KLHL8: variants seen among roughly 807,000 people sequenced by gnomAD.
The protein encoded by KLHL8 is kelch-like protein 8.
In KLHL8, 38 loss-of-function variants were observed where a neutral mutation model predicts 63.5. The observed-to-expected ratio is 0.60, with a 90% CI of 0.46 to 0.78. KLHL8 has a LOEUF of 0.78. KLHL8 is among the 30% of genes least tolerant of loss of function. KLHL8 has a pLI of 0.00. For synonymous variants in KLHL8, 224 were observed against 254.3 expected (o/e 0.88, Z 1.13); for missense variants, 566 against 752.4 (o/e 0.75, Z 2.90).
At chr4:87,181,270 T>C (rs1487083551) in intron 4 of KLHL8, among the ~76,000 whole-genome samples, 4 of 102,512 alleles carry the variant, frequency 3.9e-5, no homozygotes, top group African/African-American at 1.2e-4. Context: ...CTAGTAAAAA[T>C]ACAAAAAAAA....
At position 87,188,071 on chromosome 4, in the gene KLHL8, C is replaced by G. The variant is rs145506889; in HGVS notation, c.217-2272G>C. On this transcript the variant is annotated intron_variant, in intron 2 of 9. Transcript: ENST00000273963. ...AAGACAATCATTTCTGTCTGTTATGCTATATTAAATTTTTTCACAGAACTC... is the reference window on the plus strand; with the variant it reads ...AAGACAATCATTTCTGTCTGTTATGGTATATTAAATTTTTTCACAGAACTC... Among the ~76,000 whole-genome samples the G allele has an allele frequency of 5.3e-5, 8 of 152,226 alleles. No individual in the cohort carries two copies. In the East Asian group the frequency reaches 1.5e-3, roughly 29 times the overall value.
intron 4 of KLHL8, among the ~76,000 whole-genome samples, chr4:87,179,543 G>C (rs1204292179): frequency 6.6e-6 from 1 of 152,180 alleles, no homozygotes; most frequent in Non-Finnish European, 1.5e-5. Context: ...GGGAGGCTGA[G>C]GCAGGAGAAT....
intron 1 of KLHL8, among the ~76,000 whole-genome samples, chr4:87,196,989 T>C (rs2110016447): frequency 6.6e-6 from 1 of 152,246 alleles, no homozygotes; most frequent in East Asian, 1.9e-4. Context: ...TTCAGAAAAC[T>C]CTAAATATTC....
intron 1 of KLHL8, among the ~76,000 whole-genome samples, chr4:87,204,195 C>G (rs1732030143): frequency 6.6e-6 from 1 of 152,154 alleles, no homozygotes. Context: ...CCACTACACT[C>G]CAGCCTAAGC....
In KLHL8 at chr4:87,195,567, C is replaced by T. The variant is rs758060490; in HGVS notation, c.-28G>A. Reference sequence around the variant, plus strand: ...GCAATATTCCTCTTTTAATAGAGCTCTCTTCTCAAACATGCCATTTATTTT... The same window carrying T: ...GCAATATTCCTCTTTTAATAGAGCTTTCTTCTCAAACATGCCATTTATTTT... On this transcript the variant is annotated 5_prime_UTR_variant, in exon 2 of 10. Coordinates refer to ENST00000273963, the MANE Select transcript of KLHL8 (RefSeq NM_020803.5). 1 of 1,570,570 alleles carries T rather than the reference C, an allele frequency of 6.4e-7. No homozygotes were observed. Among genetic ancestry groups the T allele is most frequent in the African/African-American group, 1.4e-5 (1 of 73,742 alleles).
At chr4:87,190,644 TAAA>T (rs34153862) in intron 2 of KLHL8, among the ~76,000 whole-genome samples, 25 of 142,922 alleles carry the variant, frequency 1.7e-4, no homozygotes, top group Non-Finnish European at 1.5e-4. Flanking sequence ...ACTCTGTCTT[TAAA>T]AAAAAAAAAA....
chr4:87,216,774 T>G (rs7664479), intron 1 of KLHL8, among the ~76,000 whole-genome samples: 1 of 152,210 alleles, frequency 6.6e-6, no homozygotes, highest in East Asian at 1.9e-4. Context: ...AGTATCTATA[T>G]AGCAATATCC....
intron 4 of KLHL8, among the ~76,000 whole-genome samples, chr4:87,179,621 T>A (rs1018160410): frequency 5.3e-5 from 8 of 151,280 alleles, no homozygotes; most frequent in East Asian, 3.9e-4. Flanking sequence ...ACAAAAAAAA[T>A]TTAAAATTAG....
chr4:87,222,376 G>A (rs117112969), upstream of KLHL8, among the ~76,000 whole-genome samples: 43 of 151,976 alleles, frequency 2.8e-4, no homozygotes, highest in East Asian at 6.2e-3. Context: ...GTATATAAAC[G>A]TCTCTACCCC....
chr4:87,207,192 G>A (rs10025704), intron 1 of KLHL8: 126,200 of 567,188 alleles, frequency 0.22, 16,200 homozygotes, highest in East Asian at 0.49. Flanking sequence ...ATCAATGACC[G>A]CTTCATTGAC....
At chr4:87,226,834 A>T (rs868231682) in intron 1 of KLHL8, among the ~76,000 whole-genome samples, 223 of 7,796 alleles carry the variant, frequency 0.029, 41 homozygotes, top group Non-Finnish European at 0.038. Context: ...ATTATTTATA[A>T]ATAATATATA....
chr4:87,174,562 A>G (rs1415214709), intron 6 of KLHL8, among the ~76,000 whole-genome samples: 2 of 152,158 alleles, frequency 1.3e-5, no homozygotes, highest in East Asian at 3.8e-4. Context: ...TACAGGCATG[A>G]GCCACCATGC....
At chr4:87,220,793 G>C (rs1228476241), upstream of KLHL8, 1 of 152,232 alleles carries the variant, frequency 6.6e-6, no homozygotes, top group Non-Finnish European at 1.5e-5. Context: ...AGGGCGTGGC[G>C]GAGGTCCCCA....
At chr4:87,180,875 C>A (rs559267897) in intron 4 of KLHL8, among the ~76,000 whole-genome samples, 2 of 151,604 alleles carry the variant, frequency 1.3e-5, no homozygotes, top group South Asian at 4.2e-4. Flanking sequence ...AGACCCAATC[C>A]CTACAAAAAA....
At chr4:87,234,413 G>A (rs1733191597) in intron 1 of KLHL8, among the ~76,000 whole-genome samples, 1 of 150,778 alleles carries the variant, frequency 6.6e-6, no homozygotes, top group Non-Finnish European at 1.5e-5. Context: ...CACTCAGCCT[G>A]GCAACAGAGT....
chr4:87,228,716 C>G (rs1733076313), intron 1 of KLHL8, among the ~76,000 whole-genome samples: 2 of 152,182 alleles, frequency 1.3e-5, no homozygotes, highest in Non-Finnish European at 2.9e-5. Flanking sequence ...TGAAAACCAC[C>G]AACTGAGAGA....
In KLHL8 at chr4:87,195,284, C is replaced by T. The variant is rs372306686; in HGVS notation, c.216+40G>A. On this transcript the variant is annotated intron_variant, in intron 2 of 9. Coordinates refer to ENST00000273963, the MANE Select transcript of KLHL8 (RefSeq NM_020803.5). ...AGAAACCCCCATTTCTCATATTACA[C>T]TGAAGAGGCCTGAGAAAAGTACAAA... 9 of 1,532,162 alleles carry T rather than the reference C, an allele frequency of 5.9e-6. No individual in the cohort carries two copies. In the African/African-American group the frequency reaches 1.1e-4, roughly 19 times the overall value. 94.9% of individuals were successfully genotyped at this position (1,532,162 alleles called of 1,614,324 possible). A position where few individuals can be genotyped will look rare whatever the true frequency, so the allele number is the denominator to read the frequency against.
intron 6 of KLHL8, among the ~76,000 whole-genome samples, chr4:87,173,708 A>AT: frequency 6.6e-6 from 1 of 152,224 alleles, no homozygotes. Flanking sequence ...TTCAATTGCT[A>AT]TTTTGCTAGA....
intron 1 of KLHL8, among the ~76,000 whole-genome samples, chr4:87,234,981 A>G (rs1392372704): frequency 6.6e-6 from 1 of 152,194 alleles, no homozygotes; most frequent in Non-Finnish European, 1.5e-5. Context: ...AAGAAAGAAA[A>G]TATTTTTGAA....
Sources: gnomAD v4.1 joint callset for allele counts (sites outside exome capture counted in the v4.1 genomes callset) on GRCh38, gnomAD v4.1.1 for gene constraint, MANE v1.5 for transcripts, NCBI Gene and HGNC (gene_info 2026-07-23, HGNC 2026-07-21) for gene names.